PHACTR1: variants seen among roughly 807,000 people sequenced by gnomAD.
PHACTR1 encodes phosphatase and actin regulator 1, also known as RPEL repeat containing 1.
PHACTR1 carries 16 observed loss-of-function variants against 69.2 expected under a neutral mutation model. That is an observed-to-expected ratio of 0.23 (90% CI 0.16 to 0.35). PHACTR1 has a LOEUF of 0.35. PHACTR1 is among the 10% of genes least tolerant of loss of function. The pLI is 1.00. For synonymous variants in PHACTR1, 312 were observed against 284.5 expected (o/e 1.10, Z -0.97); for missense variants, 510 against 734.7 (o/e 0.69, Z 3.54).
chr6:13,191,089 C>G (rs1281177120), intron 7 of PHACTR1, among the ~76,000 whole-genome samples: 1 of 152,264 alleles, frequency 6.6e-6, no homozygotes, highest in Non-Finnish European at 1.5e-5. Flanking sequence ...CCATTGATCC[C>G]CACATTCCCA....
At chr6:12,921,518 AGG>A (rs1787661607) in intron 4 of PHACTR1, among the ~76,000 whole-genome samples, 1 of 109,262 alleles carries the variant, frequency 9.2e-6, no homozygotes, top group African/African-American at 3.7e-5. Context: ...GAAGGAAGGA[AGG>A]GGAGGGAGGG....
intron 4 of PHACTR1, among the ~76,000 whole-genome samples, chr6:12,841,923 T>TA (rs1336274951): frequency 7.9e-5 from 12 of 151,946 alleles, no homozygotes; most frequent in Admixed American, 2.0e-4. Flanking sequence ...CACCTTTATT[T>TA]AAAAAAAAGG....
chr6:12,730,820 T>C (rs1298713459), intron 3 of PHACTR1, among the ~76,000 whole-genome samples: 1 of 152,138 alleles, frequency 6.6e-6, no homozygotes, highest in Non-Finnish European at 1.5e-5. Context: ...GTTCTCATCA[T>C]TTAGCTCCCA....
intron 10 of PHACTR1, among the ~76,000 whole-genome samples, chr6:13,259,560 T>C (rs1775632279): frequency 6.6e-6 from 1 of 152,242 alleles, no homozygotes; most frequent in Non-Finnish European, 1.5e-5. Context: ...AAATAGTATT[T>C]CATGCTTTGT....
At chr6:12,818,285 G>C (rs1264399984) in intron 4 of PHACTR1, among the ~76,000 whole-genome samples, 2 of 152,160 alleles carry the variant, frequency 1.3e-5, no homozygotes, top group African/African-American at 2.4e-5. Context: ...TGGGCTTGAT[G>C]GTCAAGGATG....
In PHACTR1 at chr6:13,272,869, C is replaced by G. The variant is rs774901540; in HGVS notation, c.1401C>G (p.Ser467Arg). ...TGGATTTTTTCCGTAGGCGGCTGAG[C>G]CAGAGGCCAACTGCAGAGGAACTGG... Reference protein sequence around the residue: ...QIGTKLTRRLSQRPTAEELEQ... With the variant: ...QIGTKLTRRLRQRPTAEELEQ... Residue 467 changes from serine (S) to arginine (R), a missense_variant, in exon 11 of 15, where the codon AGC becomes AGG. Around this residue, in one of 2 missense-constraint regions of PHACTR1, gnomAD observed 91 missense variants for 203.8 expected, o/e 0.45. Transcript: ENST00000332995. 17 of 1,613,924 alleles carry G rather than the reference C, an allele frequency of 1.1e-5. No individual in the cohort carries two copies. The highest frequency in any genetic ancestry group is 1.3e-5 in the Non-Finnish European group (15 of 1,179,904).
rs369426816 is a variant in PHACTR1, at chr6:12,884,365, T to A, written c.250+134575T>A. Among the ~76,000 whole-genome samples the A allele has an allele frequency of 9.3e-4, 141 of 152,246 alleles. 1 individual carries two copies. The highest frequency in any genetic ancestry group is 3.2e-3 in the African/African-American group (133 of 41,552). ...CATATACACACAGAGATGGGCATCA[T>A]GGTTCAGTCCAGACAAGTACATAAT... On this transcript the variant is annotated intron_variant, in intron 4 of 14. Transcript: ENST00000332995.
intron 4 of PHACTR1, among the ~76,000 whole-genome samples, chr6:12,878,613 G>A (rs1210962950): frequency 6.6e-6 from 1 of 152,200 alleles, no homozygotes; most frequent in African/African-American, 2.4e-5. Context: ...CTATTACCAA[G>A]AGCTGAGTGG....
chr6:12,967,524 G>C (rs1793643722), intron 4 of PHACTR1, among the ~76,000 whole-genome samples: 1 of 152,232 alleles, frequency 6.6e-6, no homozygotes, highest in African/African-American at 2.4e-5. Flanking sequence ...AAACCAGGGA[G>C]AGAGAGAAAA....
chr6:12,766,458 T>G (rs1768625788), intron 4 of PHACTR1, among the ~76,000 whole-genome samples: 1 of 152,134 alleles, frequency 6.6e-6, no homozygotes, highest in African/African-American at 2.4e-5. Context: ...AATCTAGAAA[T>G]TTCATAGTAA....
intron 4 of PHACTR1, among the ~76,000 whole-genome samples, chr6:12,855,265 C>T (rs1780236012): frequency 6.6e-6 from 1 of 152,100 alleles, no homozygotes; most frequent in Non-Finnish European, 1.5e-5. Context: ...TGCTGGGAGG[C>T]CTAGGCAGGA....
chr6:13,143,760 G>A (rs1822865289), intron 5 of PHACTR1, among the ~76,000 whole-genome samples: 1 of 151,800 alleles, frequency 6.6e-6, no homozygotes, highest in African/African-American at 2.4e-5. Flanking sequence ...CCATAAGACA[G>A]AAAAATTACA....
intron 4 of PHACTR1, among the ~76,000 whole-genome samples, chr6:12,903,510 T>C (rs1785413055): frequency 6.6e-6 from 1 of 152,236 alleles, no homozygotes; most frequent in Non-Finnish European, 1.5e-5. Context: ...ACATGGGTTG[T>C]TTCCTCTTTC....
chr6:13,201,389 G>T (rs1465712733), intron 7 of PHACTR1, among the ~76,000 whole-genome samples: 4 of 152,210 alleles, frequency 2.6e-5, no homozygotes, highest in Admixed American at 6.5e-5. Flanking sequence ...AAGGAGCGTG[G>T]TTATCGGGAA....
intron 10 of PHACTR1, among the ~76,000 whole-genome samples, chr6:13,231,854 C>G (rs1269854391): frequency 2.6e-5 from 4 of 152,072 alleles, no homozygotes; most frequent in Non-Finnish European, 5.9e-5. Context: ...TAAGATACAC[C>G]ATTTGTATAC....
chr6:13,190,196 G>GTTTTGTTTTTTT (rs1220683843), intron 7 of PHACTR1, among the ~76,000 whole-genome samples: 2 of 31,858 alleles, frequency 6.3e-5, no homozygotes, highest in African/African-American at 2.1e-4. Flanking sequence ...GCTAATTTTT[G>GTTTTGTTTTTTT]TATTTTTTTT....
Position 12,733,154 on chromosome 6 carries a change from GCC to G in PHACTR1, c.103+14310_103+14311del, listed in dbSNP as rs1463392986. Among the ~76,000 whole-genome samples, 725 of 152,206 alleles carry G rather than the reference GCC, an allele frequency of 4.8e-3. 8 individuals carry two copies. The highest frequency in any genetic ancestry group is 0.017 in the African/African-American group (689 of 41,542). On this transcript the variant is annotated intron_variant, in intron 3 of 14. Coordinates refer to ENST00000332995, the MANE Select transcript of PHACTR1 (RefSeq NM_030948.6). The stretch of plus-strand genomic sequence containing the variant: ...ATTTTATTATGCATCACCAGCAAAT[GCC>G]CCAATGTTTCATTTAACAGGATATT...
At chr6:13,156,322 T>C (rs1758166061) in intron 5 of PHACTR1, among the ~76,000 whole-genome samples, 1 of 152,248 alleles carries the variant, frequency 6.6e-6, no homozygotes, top group Admixed American at 6.5e-5. Context: ...GCCATCTCTT[T>C]CCAGCATGTC....
At chr6:12,862,598 A>G (rs1011420858) in intron 4 of PHACTR1, among the ~76,000 whole-genome samples, 1 of 152,184 alleles carries the variant, frequency 6.6e-6, no homozygotes, top group Non-Finnish European at 1.5e-5. Context: ...CAGCCATTAA[A>G]AAGTTCAACA....
Sources: gnomAD v4.1 joint callset for allele counts (sites outside exome capture counted in the v4.1 genomes callset) on GRCh38, gnomAD v4.1.1 for gene constraint, gnomAD v4.1.1 regional missense constraint, MANE v1.5 for transcripts, NCBI Gene and HGNC (gene_info 2026-07-23, HGNC 2026-07-21) for gene names.